The following FER variants were observed in gnomAD, a reference collection of about 807,000 sequenced individuals.
FER encodes the protein tyrosine-protein kinase Fer.
In FER, 63 loss-of-function variants were observed where a neutral mutation model predicts 111.0. The ratio of observed to expected loss-of-function variants is 0.57; its 90% CI spans 0.46 to 0.70. FER has a LOEUF of 0.70. FER is among the 30% of genes least tolerant of loss of function. The pLI, the probability that FER is intolerant of heterozygous loss-of-function variation, is 0.00. For missense variants in FER, 914 were observed against 954.0 expected, an observed-to-expected ratio of 0.96 and a Z score of 0.55; for synonymous variants, 327 against 313.9, an observed-to-expected ratio of 1.04 and a Z score of -0.44.
chr5:108,795,234 A>G (rs1172094629), intron 2 of FER, among the ~76,000 whole-genome samples: 1 of 152,194 alleles, frequency 6.6e-6, no homozygotes, highest in Non-Finnish European at 1.5e-5. Context: ...CTGAGACAGG[A>G]GGATCTCTTT....
intron 16 of FER, among the ~76,000 whole-genome samples, chr5:109,075,834 GA>G (rs1401487593): frequency 2.0e-5 from 3 of 152,048 alleles, no homozygotes; most frequent in African/African-American, 7.2e-5. Context: ...TTGTAAAAAG[GA>G]ATATTATCTT....
At chr5:108,981,106 T>C (rs1402756484) in intron 13 of FER, among the ~76,000 whole-genome samples, 1 of 152,100 alleles carries the variant, frequency 6.6e-6, no homozygotes, top group Non-Finnish European at 1.5e-5. Flanking sequence ...TATGCTTGTA[T>C]TATAGCTCAT....
chr5:109,055,551 C>G (rs957097914), intron 16 of FER, among the ~76,000 whole-genome samples: 5 of 151,906 alleles, frequency 3.3e-5, no homozygotes, highest in African/African-American at 7.3e-5. Flanking sequence ...CTTTGGGAGG[C>G]TGAGGCAGGA....
chr5:108,828,127 C>G (rs943353127), intron 3 of FER, among the ~76,000 whole-genome samples: 17 of 152,162 alleles, frequency 1.1e-4, no homozygotes, highest in Non-Finnish European at 2.2e-4. Flanking sequence ...ACCTTGGCCT[C>G]CCCAAACACT....
At chr5:109,000,859 T>C (rs982765481) in intron 13 of FER, among the ~76,000 whole-genome samples, 1 of 152,078 alleles carries the variant, frequency 6.6e-6, no homozygotes, top group Admixed American at 6.6e-5. Flanking sequence ...ACTACCATCA[T>C]AGAATACTAT....
chr5:108,845,979 T>C (rs1761990293), intron 5 of FER, among the ~76,000 whole-genome samples: 1 of 152,216 alleles, frequency 6.6e-6, no homozygotes, highest in Admixed American at 6.5e-5. Context: ...ACAATTTTCT[T>C]AGTCATGATG....
chr5:109,161,526 T>C (rs1313036199), intron 17 of FER, among the ~76,000 whole-genome samples: 1 of 152,110 alleles, frequency 6.6e-6, no homozygotes, highest in Non-Finnish European at 1.5e-5. Flanking sequence ...TGGTTTTCTC[T>C]TCCTGCATTA....
intron 1 of FER, among the ~76,000 whole-genome samples, chr5:108,764,609 C>T (rs897960221): frequency 7.9e-5 from 12 of 152,078 alleles, no homozygotes; most frequent in African/African-American, 2.9e-4. Context: ...GTTGGTCAGG[C>T]TGATCTTGAA....
chr5:109,112,400 T>C (rs1406756133), intron 17 of FER, among the ~76,000 whole-genome samples: 2 of 152,146 alleles, frequency 1.3e-5, no homozygotes, highest in Non-Finnish European at 2.9e-5. Flanking sequence ...ATGCAGCCTC[T>C]CTATGTATCC....
intron 13 of FER, among the ~76,000 whole-genome samples, chr5:108,959,876 A>G (rs1356066365): frequency 6.6e-6 from 1 of 152,108 alleles, no homozygotes; most frequent in South Asian, 2.1e-4. Context: ...TACCTCTATG[A>G]TCTATCACAG....
At chr5:109,133,310 A>G in intron 17 of FER, among the ~76,000 whole-genome samples, 1 of 152,172 alleles carries the variant, frequency 6.6e-6, no homozygotes, top group South Asian at 2.1e-4. Flanking sequence ...TGTGACTTAC[A>G]GAAAAACAGA....
chr5:108,998,014 T>A (rs1027855714), intron 13 of FER, among the ~76,000 whole-genome samples: 1 of 151,892 alleles, frequency 6.6e-6, no homozygotes, highest in African/African-American at 2.4e-5. Context: ...CAGGTCGACC[T>A]CAACTGCTGT....
intron 13 of FER, among the ~76,000 whole-genome samples, chr5:108,992,477 C>T (rs1308363440): frequency 2.0e-5 from 3 of 148,126 alleles, no homozygotes; most frequent in African/African-American, 4.9e-5. Flanking sequence ...CCTCACCTCC[C>T]GGACGGGGTG....
intron 11 of FER, among the ~76,000 whole-genome samples, chr5:108,947,169 T>A (rs1045851616): frequency 1.1e-4 from 17 of 152,034 alleles, no homozygotes; most frequent in African/African-American, 4.1e-4. Context: ...TTTTCAAGTG[T>A]TTTTCTGTGT....
chr5:109,001,546 T>A (rs1430334611), intron 13 of FER, among the ~76,000 whole-genome samples: 3 of 152,188 alleles, frequency 2.0e-5, no homozygotes, highest in African/African-American at 7.2e-5. Context: ...GTACAAAAAC[T>A]GGAAGCATTC....
At chr5:109,186,090 G>A (rs1758835784) in intron 18 of FER, 110 bp from the exon 19 acceptor site, 5 of 1,473,226 alleles carry the variant, frequency 3.4e-6, no homozygotes, top group Non-Finnish European at 4.7e-6. Context: ...CTCCATCATT[G>A]ACCAAACATC....
chr5:108,792,689 T>G (rs1302503122), intron 2 of FER, among the ~76,000 whole-genome samples: 2 of 152,170 alleles, frequency 1.3e-5, no homozygotes, highest in African/African-American at 4.8e-5. Flanking sequence ...TTTTTTTTTT[T>G]GTAAAATTTA....
At chr5:109,091,363 C>G (rs1044658503) in intron 16 of FER, among the ~76,000 whole-genome samples, 35 of 152,182 alleles carry the variant, frequency 2.3e-4, no homozygotes, top group African/African-American at 8.4e-4. Flanking sequence ...GTGCTGTCCT[C>G]TGGAAAGTAC....
intron 13 of FER, among the ~76,000 whole-genome samples, chr5:109,019,165 A>G (rs1372635928): frequency 6.6e-6 from 1 of 151,618 alleles, no homozygotes; most frequent in Admixed American, 6.6e-5. Flanking sequence ...GGATTAAGAG[A>G]TGGGCTCCAG....
Sources: gnomAD v4.1 joint callset for allele counts (sites outside exome capture counted in the v4.1 genomes callset) on GRCh38, gnomAD v4.1.1 for gene constraint, MANE v1.5 for transcripts, NCBI Gene and HGNC (gene_info 2026-07-23, HGNC 2026-07-21) for gene names.